The following EIPR1 variants were observed in gnomAD, a reference collection of about 807,000 sequenced individuals.
The protein encoded by EIPR1 is EARP and GARP complex-interacting protein 1.
A neutral mutation model predicts 48.1 loss-of-function variants in EIPR1; 25 were observed. The observed-to-expected ratio is 0.52, with a 90% confidence interval of 0.38 to 0.73. The LOEUF is 0.73. Ranked by LOEUF, EIPR1 falls within the 30% of genes least tolerant of loss-of-function variation. The pLI is 0.00. For missense variants in EIPR1, 415 were observed against 506.2 expected (o/e 0.82, Z 1.73); for synonymous variants, 204 against 201.9 (o/e 1.01, Z -0.09).
Position 3,202,226 on chromosome 2 carries a change from C to A in EIPR1, c.517-5209G>T, listed in dbSNP as rs562545400. 1.5e-4 allele frequency among the ~76,000 whole-genome samples: 23 copies of A among 152,292 alleles called. No homozygotes were observed. The South Asian group carries it at 3.9e-3, about 26-fold the overall frequency. On this transcript the variant is annotated intron_variant, in intron 5 of 8. Transcript: ENST00000382125. ...TGCTGGGATTACAGGCGTGAGCCACCGCACCCGGCCTAGGTTCAATGTCTT... is the reference window on the plus strand; with the variant it reads ...TGCTGGGATTACAGGCGTGAGCCACAGCACCCGGCCTAGGTTCAATGTCTT...
At chr2:3,344,182 C>G (rs775598368) in intron 2 of EIPR1, among the ~76,000 whole-genome samples, 5 of 152,262 alleles carry the variant, frequency 3.3e-5, no homozygotes, top group Non-Finnish European at 5.9e-5. Context: ...TGGCAAACCC[C>G]CCAGCTCTCA....
At chr2:3,245,204 C>T (rs1025544159) in intron 4 of EIPR1, among the ~76,000 whole-genome samples, 5 of 151,500 alleles carry the variant, frequency 3.3e-5, no homozygotes, top group East Asian at 1.9e-4. Context: ...CGTTGCGTTG[C>T]GTTGCATTGC....
chr2:3,214,263 A>G lies in EIPR1; in HGVS notation c.417-15T>C, dbSNP rs921793984. 5.0e-6 allele frequency: 8 copies of G among 1,610,694 alleles called. No individual in the cohort carries two copies. Among genetic ancestry groups the G allele is most frequent in the Non-Finnish European group, 6.8e-6 (8 of 1,177,906 alleles). ...CCCACACGACACTAAGAGAAAGAGA[A>G]GTACCAAATGTTAACATAAACATTT... On this transcript the variant is annotated splice_polypyrimidine_tract_variant and intron_variant, in intron 4 of 8. Coordinates refer to ENST00000382125, the MANE Select transcript of EIPR1 (RefSeq NM_003310.5).
chr2:3,200,073 G>C (rs1035970036), intron 5 of EIPR1, among the ~76,000 whole-genome samples: 1 of 152,062 alleles, frequency 6.6e-6, no homozygotes, highest in Non-Finnish European at 1.5e-5. Context: ...GGCACCTGGG[G>C]CCTCACTAAG....
At chr2:3,259,293 C>CG (rs1037808291) in intron 3 of EIPR1, among the ~76,000 whole-genome samples, 1 of 151,966 alleles carries the variant, frequency 6.6e-6, no homozygotes, top group Non-Finnish European at 1.5e-5. Context: ...ACACTCCCCC[C>CG]CACATCCCCA....
At chr2:3,360,865 C>T (rs778341067) in intron 1 of EIPR1, among the ~76,000 whole-genome samples, 3 of 151,522 alleles carry the variant, frequency 2.0e-5, no homozygotes, top group South Asian at 4.2e-4. Flanking sequence ...CGCTACAAAG[C>T]GCTGCTCACC....
chr2:3,267,955 G>A (rs770193527), intron 3 of EIPR1, among the ~76,000 whole-genome samples: 6 of 152,236 alleles, frequency 3.9e-5, no homozygotes, highest in East Asian at 1.9e-4. Flanking sequence ...CCTGTGTAGC[G>A]CACAGACTGT....
chr2:3,301,561 G>C (rs1668762964), intron 3 of EIPR1: 1 of 152,228 alleles, frequency 6.6e-6, no homozygotes, highest in African/African-American at 2.4e-5. Flanking sequence ...TCATTATTGA[G>C]TAATTAGTTC....
In EIPR1 at chr2:3,247,095, G is replaced by A. The variant is rs1222864906; in HGVS notation, c.416+10204C>T. On this transcript the variant is annotated intron_variant, in intron 4 of 8. Coordinates refer to ENST00000382125, the MANE Select transcript of EIPR1 (RefSeq NM_003310.5). ...AGGGAGAGAGGGAGGGAGAGAGGGAGGGAGAGAGGGAGGGAGCTGCCACTG... is the reference window on the plus strand; with the variant it reads ...AGGGAGAGAGGGAGGGAGAGAGGGAAGGAGAGAGGGAGGGAGCTGCCACTG... 1.4e-4 allele frequency among the ~76,000 whole-genome samples: 18 copies of A among 131,400 alleles called. 2 individuals are homozygous for A. Among genetic ancestry groups the A allele is most frequent in the African/African-American group, 5.4e-4 (18 of 33,622 alleles). The allele number at this position is 131,400 out of a possible 152,430, so 86.2% of individuals were successfully genotyped here.
At chr2:3,344,449 A>G (rs11688647) in intron 2 of EIPR1, among the ~76,000 whole-genome samples, 48,062 of 151,920 alleles carry the variant, frequency 0.32, 10,696 homozygotes, top group African/African-American at 0.63. Context: ...CATGAACGTG[A>G]CCTGCCAATC....
intron 3 of EIPR1, among the ~76,000 whole-genome samples, chr2:3,333,176 G>C (rs1008631553): frequency 6.6e-6 from 1 of 152,154 alleles, no homozygotes; most frequent in African/African-American, 2.4e-5. Context: ...AATAAGTCAC[G>C]AGCTCAGCCA....
chr2:3,350,945 CAAAAAA>C (rs11344032), intron 2 of EIPR1, among the ~76,000 whole-genome samples: 6 of 122,354 alleles, frequency 4.9e-5, no homozygotes, highest in South Asian at 2.6e-4. Flanking sequence ...TACTTCGTTC[CAAAAAA>C]AAAAAAAAAA....
At chr2:3,231,810 C>T (rs1666252312) in intron 4 of EIPR1, among the ~76,000 whole-genome samples, 1 of 152,208 alleles carries the variant, frequency 6.6e-6, no homozygotes, top group African/African-American at 2.4e-5. Flanking sequence ...CTAGTAGTGT[C>T]TTTGTCAGGC....
At chr2:3,256,450 CT>C (rs1352061110) in intron 4 of EIPR1, among the ~76,000 whole-genome samples, 1 of 152,154 alleles carries the variant, frequency 6.6e-6, no homozygotes, top group Non-Finnish European at 1.5e-5. Context: ...AACTTGTCAC[CT>C]TGGTGTCCCT....
At chr2:3,264,918 C>G (rs1241232761) in intron 3 of EIPR1, among the ~76,000 whole-genome samples, 1 of 152,130 alleles carries the variant, frequency 6.6e-6, no homozygotes, top group Non-Finnish European at 1.5e-5. Context: ...AACTCCTGAC[C>G]TTGTGATCCG....
At chr2:3,266,297 C>T (rs908714727) in intron 3 of EIPR1, among the ~76,000 whole-genome samples, 5 of 152,190 alleles carry the variant, frequency 3.3e-5, no homozygotes, top group African/African-American at 1.2e-4. Flanking sequence ...ATTTTTAGAG[C>T]CCGCAGCCAT....
In EIPR1 at chr2:3,189,394, A is replaced by C. The variant is rs755285700; in HGVS notation, c.1104T>G (p.Tyr368Ter). 1 of 1,603,864 alleles carries C rather than the reference A, an allele frequency of 6.2e-7. No individual in the cohort carries two copies. Among genetic ancestry groups the C allele is most frequent in the South Asian group, 1.1e-5 (1 of 89,730 alleles). Residue 368 changes from tyrosine (Y) to a stop codon, truncating the protein, a stop_gained, in exon 9 of 9, where the codon TAT (tyrosine) becomes TAG (stop). Transcript: ENST00000382125. LOFTEE classifies it high-confidence loss of function. This position sits in a 1 kb window ranked among gnomAD's most constrained non-coding sequence, Gnocchi z 4.6. Reference sequence around the variant, plus strand: ...CCCTGTTGATCACGAGCCTCCCGTCATAGCTCAGGGAGGCAAACAGCCACG... The same window carrying C: ...CCCTGTTGATCACGAGCCTCCCGTCCTAGCTCAGGGAGGCAAACAGCCACG... The part of the protein sequence containing the change: ...ADPWLFASLS[Y>*]DGRLVINRVP...
chr2:3,356,863 C>G (rs1253826437), intron 1 of EIPR1, among the ~76,000 whole-genome samples: 1 of 152,214 alleles, frequency 6.6e-6, no homozygotes, highest in Non-Finnish European at 1.5e-5. Context: ...GAAAGGAAAA[C>G]GCTAATTTTC....
At chr2:3,229,556 T>C (rs1446862629) in intron 4 of EIPR1, among the ~76,000 whole-genome samples, 2 of 152,246 alleles carry the variant, frequency 1.3e-5, no homozygotes, top group Non-Finnish European at 2.9e-5. Context: ...TAATGCTGTG[T>C]CTTTTCTTAC....
Sources: gnomAD v4.1 joint callset for allele counts (sites outside exome capture counted in the v4.1 genomes callset) on GRCh38, gnomAD v4.1.1 for gene constraint, Gnocchi (gnomAD v3.1) non-coding constraint, MANE v1.5 for transcripts, NCBI Gene and HGNC (gene_info 2026-07-23, HGNC 2026-07-21) for gene names.